Variants in MYO5A observed in about 807,000 individuals in gnomAD.
MYO5A encodes the protein myosin VA.
In MYO5A, 98 loss-of-function variants were observed where a neutral mutation model predicts 249.7. That is an observed-to-expected ratio of 0.39 (90% confidence interval 0.33 to 0.46). The LOEUF is 0.46. Among genes scored for constraint, MYO5A ranks in the 20% least tolerant of loss-of-function variants. MYO5A has a pLI of 0.98. For synonymous variants in MYO5A, 778 were observed against 810.6 expected, an observed-to-expected ratio of 0.96 and a Z score of 0.68; for missense variants, 1,696 against 2,308.8, an observed-to-expected ratio of 0.73 and a Z score of 5.44.
chr15:52,514,047 A>G (rs1400151766), intron 1 of MYO5A, among the ~76,000 whole-genome samples: 9 of 152,254 alleles, frequency 5.9e-5, no homozygotes, highest in African/African-American at 1.9e-4. Context: ...GAAGCACATG[A>G]AGAGTTACTG....
chr15:52,519,186 G>A (rs2077559891), intron 1 of MYO5A, among the ~76,000 whole-genome samples: 3 of 152,144 alleles, frequency 2.0e-5, no homozygotes, highest in African/African-American at 7.2e-5. Context: ...ACTTATCTAT[G>A]TATGAAAATA....
chr15:52,504,664 G>C (rs11631183), intron 1 of MYO5A, among the ~76,000 whole-genome samples: 109,963 of 152,050 alleles, frequency 0.72, 41,897 homozygotes, highest in Non-Finnish European at 0.83. Context: ...CATTTTGGGA[G>C]ACCAAGGCGG....
At chr15:52,371,023 G>A (rs1001374274) in intron 21 of MYO5A, among the ~76,000 whole-genome samples, 7 of 152,056 alleles carry the variant, frequency 4.6e-5, no homozygotes, top group Non-Finnish European at 7.4e-5. Flanking sequence ...TGAGGCAGGA[G>A]GATCACTTGA....
intron 1 of MYO5A, among the ~76,000 whole-genome samples, chr15:52,460,659 G>A (rs952560523): frequency 1.3e-5 from 2 of 152,002 alleles, no homozygotes; most frequent in African/African-American, 2.4e-5. Flanking sequence ...AGGACCGTGC[G>A]AGGGCGAGGG....
chr15:52,409,847 G>GT (rs61066742), intron 6 of MYO5A, among the ~76,000 whole-genome samples: 1 of 151,772 alleles, frequency 6.6e-6, no homozygotes, highest in Non-Finnish European at 1.5e-5. Flanking sequence ...TGCATCAACT[G>GT]TTTTTTTGAT....
At position 52,425,992 on chromosome 15, in the gene MYO5A, G is replaced by T; in HGVS notation, c.311-18C>A. 1 of 1,609,040 alleles carries T rather than the reference G, an allele frequency of 6.2e-7. No homozygotes were observed. Among genetic ancestry groups the T allele is most frequent in the Non-Finnish European group, 8.5e-7 (1 of 1,175,990 alleles). On this transcript the variant is annotated intron_variant, in intron 3 of 41. Transcript: ENST00000399233. ...GACTATACCTGGGAATAGGGTAGGG[G>T]ACAAGAAAGAAAAAGAAGTCAATGA...
intron 40 of MYO5A, among the ~76,000 whole-genome samples, chr15:52,316,769 C>T (rs1465738489): frequency 6.6e-6 from 1 of 152,182 alleles, no homozygotes; most frequent in Non-Finnish European, 1.5e-5. Flanking sequence ...TTTGTTTTGC[C>T]TATGGGTGTA....
chr15:52,393,310 C>T (rs927032600), intron 11 of MYO5A, among the ~76,000 whole-genome samples: 3 of 152,154 alleles, frequency 2.0e-5, no homozygotes, highest in African/African-American at 7.2e-5. Context: ...CCAATGCATA[C>T]TCTCCTCATG....
chr15:52,429,923 C>T (rs1050127257), intron 2 of MYO5A, among the ~76,000 whole-genome samples: 6 of 151,974 alleles, frequency 3.9e-5, no homozygotes, highest in Admixed American at 3.3e-4. Context: ...TTTAAAGTCA[C>T]GGGAATACGG....
At chr15:52,514,178 C>G (rs975835906) in intron 1 of MYO5A, among the ~76,000 whole-genome samples, 4 of 152,184 alleles carry the variant, frequency 2.6e-5, no homozygotes, top group African/African-American at 7.2e-5. Context: ...TGTTCAATCA[C>G]TAACTTGGTA....
chr15:52,389,548 T>C (rs536865571), intron 12 of MYO5A, among the ~76,000 whole-genome samples, 185 bp from the exon 13 acceptor site: 6 of 152,266 alleles, frequency 3.9e-5, no homozygotes, highest in Admixed American at 1.3e-4. Context: ...TACTAATGAA[T>C]AGTATGACTG....
At chr15:52,329,931 TGGAGAGATGCGGTCTTGCTA>T (rs2038801974) in intron 35 of MYO5A, among the ~76,000 whole-genome samples, 9 of 109,884 alleles carry the variant, frequency 8.2e-5, no homozygotes, top group Non-Finnish European at 1.1e-4. Context: ...TTTTTTTTTT[TGGAGAGATGCGGTCTTGCTA>T]TTTTCCCGAG....
At chr15:52,519,413 G>A (rs1337955107) in intron 1 of MYO5A, among the ~76,000 whole-genome samples, 1 of 152,002 alleles carries the variant, frequency 6.6e-6, no homozygotes, top group Non-Finnish European at 1.5e-5. Context: ...AAAAGTTTGA[G>A]ACTAGTCTGA....
At chr15:52,415,884 G>T in intron 5 of MYO5A, 1 of 488,464 alleles carries the variant, frequency 2.0e-6, no homozygotes, top group Non-Finnish European at 3.7e-6. Context: ...CTGGTATTTA[G>T]GGGCAACAAT....
Position 52,327,974 on chromosome 15 carries a change from T to C in MYO5A, c.4588A>G (p.Ile1530Val). ...LKPRGVAVNL[I>V]PGLPAYILFM... ...AGGATATATGCCGGTAATCCTGGAA[T>C]CAAATTGACTGCTACACCACGTGGC... The change falls in exon 36 of 42, where the codon ATT becomes GTT. Residue 1530 changes from isoleucine to valine, a missense_variant. Ile to Val is a conservative substitution (Grantham distance 29). Around this residue, in one of 5 missense-constraint regions of MYO5A, gnomAD observed 625 missense variants for 908.1 expected, o/e 0.69. Coordinates refer to ENST00000399233, the MANE Select transcript of MYO5A (RefSeq NM_001382347.1). The C allele has an allele frequency of 6.2e-7, 1 of 1,613,720 alleles. No individual in the cohort carries two copies. The highest frequency in any genetic ancestry group is 8.5e-7 in the Non-Finnish European group (1 of 1,179,706).
In MYO5A at chr15:52,522,687, A is replaced by C. The variant is rs553234495; in HGVS notation, c.27+6093T>G. ...ATAAAATGAAAAACAGAGAAACTAA[A>C]TTACCTTCTGAGGTAAGAAGTAAGG... On this transcript the variant is annotated intron_variant, in intron 1 of 41. Coordinates refer to ENST00000399233, the MANE Select transcript of MYO5A (RefSeq NM_001382347.1). Among the ~76,000 whole-genome samples the C allele has an allele frequency of 1.3e-3, 191 of 152,190 alleles. 2 individuals carry two copies. The highest frequency in any genetic ancestry group is 0.01 in the South Asian group (49 of 4,816).
intron 1 of MYO5A, among the ~76,000 whole-genome samples, chr15:52,468,957 C>A (rs2076404405): frequency 6.6e-6 from 1 of 151,966 alleles, no homozygotes; most frequent in Admixed American, 6.6e-5. Context: ...ACTATTTTTA[C>A]AATAAAACCA....
intron 12 of MYO5A, among the ~76,000 whole-genome samples, chr15:52,391,726 G>A (rs1338056609): frequency 6.6e-6 from 1 of 152,132 alleles, no homozygotes; most frequent in Non-Finnish European, 1.5e-5. Context: ...AGAATCAGCT[G>A]AAAAGAGGAG....
intron 1 of MYO5A, among the ~76,000 whole-genome samples, chr15:52,442,973 G>A (rs575049402): frequency 5.9e-5 from 9 of 152,192 alleles, no homozygotes; most frequent in South Asian, 4.1e-4. Context: ...GGACGGTCTC[G>A]ATCTCCTGAC....
Sources: allele counts gnomAD v4.1 joint callset (sites outside exome capture counted in the v4.1 genomes callset), GRCh38; gene constraint gnomAD v4.1.1; regional missense constraint gnomAD v4.1.1; transcripts MANE v1.5; gene names NCBI Gene and HGNC (gene_info 2026-07-23, HGNC 2026-07-21).